The following DNAJC1 variants were observed in gnomAD, a reference collection of about 807,000 sequenced individuals.
DNAJC1 encodes DnaJ heat shock protein family (Hsp40) member C1.
DNAJC1 carries 58 observed loss-of-function variants against 76.6 expected under a neutral mutation model. The observed-to-expected ratio is 0.76, with a 90% CI of 0.61 to 0.94. The LOEUF (loss-of-function observed/expected upper bound fraction) is 0.94, where lower values mean the gene tolerates loss of function less well. DNAJC1 is among the 40% of genes least tolerant of loss of function. DNAJC1 has a pLI of 0.00. For missense variants in DNAJC1, 689 were observed against 677.3 expected, an observed-to-expected ratio of 1.02 and a Z score of -0.19; for synonymous variants, 258 against 267.9, an observed-to-expected ratio of 0.96 and a Z score of 0.36.
chr10:21,879,781 A>G (rs1376146069), intron 8 of DNAJC1, among the ~76,000 whole-genome samples: 2 of 152,216 alleles, frequency 1.3e-5, no homozygotes, highest in Non-Finnish European at 1.5e-5. Context: ...GTCTTTCAAC[A>G]AGTCATAATC....
At chr10:21,801,834 G>A (rs914718981) in intron 9 of DNAJC1, among the ~76,000 whole-genome samples, 1 of 152,280 alleles carries the variant, frequency 6.6e-6, no homozygotes, top group East Asian at 1.9e-4. Flanking sequence ...CATGTCTTTT[G>A]TGGGAACATA....
At chr10:21,833,587 G>C (rs971147652) in intron 8 of DNAJC1, among the ~76,000 whole-genome samples, 4 of 152,196 alleles carry the variant, frequency 2.6e-5, no homozygotes, top group African/African-American at 9.6e-5. Flanking sequence ...AATTTACCTT[G>C]CCTCTCAGTT....
chr10:21,782,264 G>A (rs959037672), intron 9 of DNAJC1, among the ~76,000 whole-genome samples: 10 of 152,050 alleles, frequency 6.6e-5, no homozygotes, highest in Non-Finnish European at 2.9e-5. Flanking sequence ...TATAAACACC[G>A]CTATGCAAAT....
At chr10:21,788,368 C>G (rs1418454592) in intron 9 of DNAJC1, among the ~76,000 whole-genome samples, 1 of 152,188 alleles carries the variant, frequency 6.6e-6, no homozygotes, top group Non-Finnish European at 1.5e-5. Flanking sequence ...CATGCCTTGG[C>G]TGAGCTGAGA....
chr10:21,921,827 A>G (rs1837046327), intron 3 of DNAJC1, among the ~76,000 whole-genome samples: 1 of 152,060 alleles, frequency 6.6e-6, no homozygotes, highest in Non-Finnish European at 1.5e-5. Context: ...TCATTGAACA[A>G]ATATCTTTGA....
intron 6 of DNAJC1, among the ~76,000 whole-genome samples, chr10:21,914,702 TATA>T (rs1836923561): frequency 6.6e-6 from 1 of 152,180 alleles, no homozygotes; most frequent in South Asian, 2.1e-4. Context: ...AAGGCTGTTG[TATA>T]ATGTTTTCCT....
intron 8 of DNAJC1, among the ~76,000 whole-genome samples, chr10:21,853,340 A>G (rs1215498685): frequency 6.6e-6 from 1 of 152,148 alleles, no homozygotes; most frequent in East Asian, 1.9e-4. Context: ...TTCATGAGAA[A>G]GTGAGTCTTT....
intron 1 of DNAJC1, among the ~76,000 whole-genome samples, chr10:21,936,227 C>A (rs182436351): frequency 3.3e-5 from 5 of 152,260 alleles, no homozygotes; most frequent in Admixed American, 3.3e-4. Context: ...AAGGGACCAT[C>A]TATGAGGAAG....
chr10:21,820,714 C>T (rs751068361), intron 8 of DNAJC1, among the ~76,000 whole-genome samples: 3 of 152,228 alleles, frequency 2.0e-5, no homozygotes, highest in Non-Finnish European at 4.4e-5. Flanking sequence ...GAACTTCTGA[C>T]CAACTGGTTT....
chr10:21,756,827 T>A (rs992059781), intron 11 of DNAJC1, 72 bp from the exon 12 acceptor site: 83 of 1,395,272 alleles, frequency 5.9e-5, no homozygotes, highest in Non-Finnish European at 7.8e-5. Flanking sequence ...GTGGCCGGTC[T>A]GCTGGCTTCT....
intron 9 of DNAJC1, among the ~76,000 whole-genome samples, chr10:21,796,154 G>A (rs564682604): frequency 1.3e-5 from 2 of 152,022 alleles, no homozygotes; most frequent in South Asian, 4.2e-4. Flanking sequence ...ATTTTTAGTA[G>A]AGACGGGGTT....
chr10:21,849,479 T>A lies in DNAJC1; in HGVS notation c.978+32803A>T, dbSNP rs556052052. 1.2e-4 allele frequency among the ~76,000 whole-genome samples: 18 copies of A among 151,826 alleles called. 1 individual carries two copies. Among genetic ancestry groups the A allele is most frequent in the African/African-American group, 3.6e-4 (15 of 41,414 alleles). On this transcript the variant is annotated intron_variant, in intron 8 of 11. Transcript: ENST00000376980. Reference sequence around the variant, plus strand: ...AAATAATAGAATCAATGAAACAAAATGTCATTTTTTTAAAAAGACAAAACT... The same window carrying A: ...AAATAATAGAATCAATGAAACAAAAAGTCATTTTTTTAAAAAGACAAAACT...
chr10:21,940,827 T>C (rs896342849), intron 1 of DNAJC1, among the ~76,000 whole-genome samples: 5 of 152,130 alleles, frequency 3.3e-5, no homozygotes, highest in Non-Finnish European at 7.4e-5. Context: ...ATCATTTCTA[T>C]AATCTGGTAA....
Position 22,003,366 on chromosome 10 carries a change from C to G in DNAJC1, c.69G>C (p.Pro23=). The change falls in exon 1 of 12, where the codon CCG becomes CCC. Residue 23 remains proline (P), a synonymous_variant. Transcript: ENST00000376980. ...GRRQLGLVPF[P]PPPPRTPLLW... is the part of the protein sequence containing the mutation. ...GCAGCGGCGTCCGCGGCGGCGGCGG[C>G]GGGAACGGCACCAGCCCGAGCTGGC... is the stretch of plus-strand genomic sequence containing the variant. 1 of 1,408,206 alleles carries G rather than the reference C, an allele frequency of 7.1e-7. No homozygotes were observed. Among genetic ancestry groups the G allele is most frequent in the Non-Finnish European group, 9.2e-7 (1 of 1,085,026 alleles). The allele number at this position is 1,408,206 out of a possible 1,614,324, so 87.2% of individuals were successfully genotyped here.
At chr10:21,816,549 T>A (rs1197478765) in intron 8 of DNAJC1, among the ~76,000 whole-genome samples, 1 of 148,370 alleles carries the variant, frequency 6.7e-6, no homozygotes, top group African/African-American at 2.5e-5. Context: ...CTCTCTCTTT[T>A]TTTTTTTTTT....
intron 8 of DNAJC1, among the ~76,000 whole-genome samples, chr10:21,848,901 G>A (rs1835703675): frequency 6.6e-6 from 1 of 152,060 alleles, no homozygotes; most frequent in South Asian, 2.1e-4. Flanking sequence ...AATCAAAAGG[G>A]AAATTTGAAA....
intron 1 of DNAJC1, among the ~76,000 whole-genome samples, chr10:21,980,705 G>GC (rs1366416844): frequency 6.6e-6 from 1 of 152,098 alleles, no homozygotes; most frequent in Non-Finnish European, 1.5e-5. Flanking sequence ...ATCTGAGAAA[G>GC]CCAGGTGAAA....
At chr10:21,773,075 C>T (rs971969340) in intron 9 of DNAJC1, among the ~76,000 whole-genome samples, 1 of 152,172 alleles carries the variant, frequency 6.6e-6, no homozygotes, top group African/African-American at 2.4e-5. Context: ...CACAAGGACC[C>T]ACCTCCGACA....
At chr10:21,829,378 T>C (rs1489725917) in intron 8 of DNAJC1, among the ~76,000 whole-genome samples, 1 of 152,202 alleles carries the variant, frequency 6.6e-6, no homozygotes, top group Non-Finnish European at 1.5e-5. Context: ...TATGCCCGGC[T>C]AATTTCTTTT....
Sources: gnomAD v4.1 joint callset for allele counts (sites outside exome capture counted in the v4.1 genomes callset) on GRCh38, gnomAD v4.1.1 for gene constraint, MANE v1.5 for transcripts, NCBI Gene and HGNC (gene_info 2026-07-23, HGNC 2026-07-21) for gene names.